CHODL: variants seen among roughly 807,000 people sequenced by gnomAD.
CHODL encodes chondrolectin, also known as transmembrane protein MT75.
In CHODL, 29 loss-of-function variants were observed where a neutral mutation model predicts 34.5. The observed-to-expected ratio is 0.84, with a 90% confidence interval of 0.63 to 1.15. CHODL has a LOEUF of 1.15. CHODL is among the 50% of genes most tolerant of loss of function. The pLI, the probability that CHODL is intolerant of heterozygous loss-of-function variation, is 0.00. For synonymous variants in CHODL, 125 were observed against 116.1 expected (o/e 1.08, Z -0.49); for missense variants, 332 against 332.5 (o/e 1.00, Z 0.01).
At chr21:18,228,265 T>C (rs2073949103) in intron 2 of CHODL, among the ~76,000 whole-genome samples, 1 of 152,084 alleles carries the variant, frequency 6.6e-6, no homozygotes, top group Non-Finnish European at 1.5e-5. Context: ...GACAGCAGAG[T>C]GATAGAGAGT....
At chr21:18,255,148 G>A (rs1291423803) in intron 1 of CHODL, among the ~76,000 whole-genome samples, 2 of 151,966 alleles carry the variant, frequency 1.3e-5, no homozygotes, top group African/African-American at 4.8e-5. Context: ...ATAAAAAATA[G>A]ATTTTAAACT....
intron 2 of CHODL, among the ~76,000 whole-genome samples, chr21:18,228,929 C>G (rs1205022822): frequency 6.6e-6 from 1 of 152,062 alleles, no homozygotes; most frequent in Non-Finnish European, 1.5e-5. Flanking sequence ...GCAGTTTTTA[C>G]CAATGCCTTC....
At chr21:18,156,079 T>C (rs141871204) in intron 2 of CHODL, among the ~76,000 whole-genome samples, 1 of 152,340 alleles carries the variant, frequency 6.6e-6, no homozygotes, top group African/African-American at 2.4e-5. Context: ...CCTGACGTAT[T>C]TCTTTTGACC....
intron 1 of CHODL, among the ~76,000 whole-genome samples, chr21:17,948,150 G>T (rs1345204915): frequency 1.3e-5 from 2 of 152,014 alleles, no homozygotes; most frequent in Non-Finnish European, 1.5e-5. Flanking sequence ...AACTACAAAA[G>T]GTTGAAGTAT....
At chr21:18,207,938 G>GTCTTCT (rs1326551574) in intron 2 of CHODL, among the ~76,000 whole-genome samples, 1 of 151,778 alleles carries the variant, frequency 6.6e-6, no homozygotes, top group Non-Finnish European at 1.5e-5. Flanking sequence ...TATTGAGGGA[G>GTCTTCT]TCTTCTTCGG....
intron 1 of CHODL, among the ~76,000 whole-genome samples, chr21:17,921,078 A>G (rs1208312037): frequency 6.6e-6 from 1 of 152,168 alleles, no homozygotes; most frequent in African/African-American, 2.4e-5. Flanking sequence ...ATGGATGGAT[A>G]GATAGATAGA....
chr21:17,928,264 C>T (rs544316689), intron 1 of CHODL, among the ~76,000 whole-genome samples: 3 of 152,180 alleles, frequency 2.0e-5, no homozygotes, highest in African/African-American at 7.2e-5. Context: ...TTATAGTCTC[C>T]CTGGAGTTCC....
intron 2 of CHODL, among the ~76,000 whole-genome samples, chr21:18,045,207 C>G (rs1407053949): frequency 1.3e-5 from 2 of 151,944 alleles, no homozygotes; most frequent in South Asian, 2.1e-4. Context: ...CTAGAATTAT[C>G]AAAGCCTAAA....
intron 1 of CHODL, among the ~76,000 whole-genome samples, chr21:18,247,486 CTT>C (rs539623924): frequency 7.3e-4 from 111 of 152,138 alleles, no homozygotes; most frequent in Non-Finnish European, 1.2e-3. Context: ...CTTTCCAATA[CTT>C]TTAAATACAT....
At chr21:18,215,782 T>C (rs1294833691) in intron 2 of CHODL, among the ~76,000 whole-genome samples, 1 of 152,160 alleles carries the variant, frequency 6.6e-6, no homozygotes, top group Non-Finnish European at 1.5e-5. Flanking sequence ...CACTGGTTAA[T>C]CCTGAAGAGG....
At chr21:18,025,901 C>T (rs764918580) in intron 1 of CHODL, among the ~76,000 whole-genome samples, 2 of 152,088 alleles carry the variant, frequency 1.3e-5, no homozygotes, top group Admixed American at 6.6e-5. Flanking sequence ...TAGGGCCTAC[C>T]CTACAGACCT....
At chr21:17,985,944 C>T (rs1490413961) in intron 1 of CHODL, among the ~76,000 whole-genome samples, 1 of 152,062 alleles carries the variant, frequency 6.6e-6, no homozygotes, top group Non-Finnish European at 1.5e-5. Context: ...TGCTTTCTTG[C>T]TGTGTTTTCA....
intron 1 of CHODL, among the ~76,000 whole-genome samples, chr21:18,246,862 A>C (rs2146783200): frequency 6.6e-6 from 1 of 152,250 alleles, no homozygotes; most frequent in African/African-American, 2.4e-5. Context: ...ATTTTTTCCA[A>C]ATCTTTTGTT....
intron 2 of CHODL, among the ~76,000 whole-genome samples, chr21:18,075,202 C>A (rs2064850178): frequency 6.6e-6 from 1 of 152,164 alleles, no homozygotes; most frequent in Non-Finnish European, 1.5e-5. Context: ...ATGCTCTCAG[C>A]CTCATGCCAC....
chr21:18,032,281 G>A (rs197520), intron 2 of CHODL, among the ~76,000 whole-genome samples: 2,094 of 152,038 alleles, frequency 0.014, 50 homozygotes, highest in African/African-American at 0.047. Flanking sequence ...GTATTTATCC[G>A]TTATTCAATA....
intron 2 of CHODL, among the ~76,000 whole-genome samples, chr21:18,177,738 A>G (rs1346210905): frequency 6.6e-6 from 1 of 152,154 alleles, no homozygotes; most frequent in Non-Finnish European, 1.5e-5. Flanking sequence ...ACTTAATGTT[A>G]TATTATCTAC....
At position 17,917,642 on chromosome 21, in the gene CHODL, A is replaced by G. The variant is rs150824333; in HGVS notation, c.-145+242A>G. ...CCAGGGAAGGACACACCCTGACCTC[A>G]CTCTTCTCTTGCCATCTGATTACCT... On this transcript the variant is annotated intron_variant, in intron 1 of 6. Transcript: ENST00000400127. Among the ~76,000 whole-genome samples, 1,212 of 152,080 alleles carry G rather than the reference A, an allele frequency of 8.0e-3. 17 individuals carry two copies. The highest frequency in any genetic ancestry group is 0.027 in the African/African-American group (1,117 of 41,474).
intron 2 of CHODL, among the ~76,000 whole-genome samples, chr21:18,092,358 CA>C (rs2146531344): frequency 6.6e-6 from 1 of 152,290 alleles, no homozygotes; most frequent in African/African-American, 2.4e-5. Flanking sequence ...CCAAGAAAGA[CA>C]GGCACAAACA....
intron 2 of CHODL, among the ~76,000 whole-genome samples, chr21:18,059,788 A>C (rs1483604967): frequency 6.6e-6 from 1 of 152,150 alleles, no homozygotes; most frequent in Non-Finnish European, 1.5e-5. Flanking sequence ...ATAAGCGGGG[A>C]GTGAACAATG....
Sources: allele counts gnomAD v4.1 joint callset (sites outside exome capture counted in the v4.1 genomes callset), GRCh38; gene constraint gnomAD v4.1.1; transcripts MANE v1.5; gene names NCBI Gene and HGNC (gene_info 2026-07-23, HGNC 2026-07-21).